The following COL24A1 variants were observed in gnomAD, a reference collection of about 807,000 sequenced individuals.
The protein encoded by COL24A1 is collagen alpha-1(XXIV) chain.
Under a neutral mutation model 253.9 loss-of-function variants are expected in COL24A1, and 224 were observed. The ratio of observed to expected loss-of-function variants is 0.88; its 90% CI spans 0.79 to 0.99. COL24A1 has a LOEUF of 0.99. Ranked by LOEUF, COL24A1 falls within the 50% of genes least tolerant of loss-of-function variation. The pLI is 0.00. For synonymous variants in COL24A1, 685 were observed against 673.7 expected (o/e 1.02, Z -0.26); for missense variants, 2,131 against 2,068.5 (o/e 1.03, Z -0.59).
chr1:85,911,119 A>T (rs1228330753), intron 25 of COL24A1, among the ~76,000 whole-genome samples: 2 of 151,990 alleles, frequency 1.3e-5, no homozygotes, highest in Non-Finnish European at 2.9e-5. Flanking sequence ...GATTTACATA[A>T]TATTTTCTAG....
Position 85,847,676 on chromosome 1 carries a change from T to C in COL24A1, c.3451A>G (p.Arg1151Gly), listed in dbSNP as rs780191756. The C allele has an allele frequency of 1.1e-5, 17 of 1,613,020 alleles. No homozygotes were observed. Among genetic ancestry groups the C allele is most frequent in the Non-Finnish European group, 1.4e-5 (16 of 1,179,292 alleles). Reference protein sequence around the residue: ...KSGPKGARGTRGAVGHLGLMG... With the variant: ...KSGPKGARGTGGAVGHLGLMG... ...AGTCAAATACTGACCACAGCACCTCTAGTTCCTCTGGCACCCTTAGGACCA... is the reference window on the plus strand; with the variant it reads ...AGTCAAATACTGACCACAGCACCTCCAGTTCCTCTGGCACCCTTAGGACCA... The change falls in exon 39 of 60, where the codon AGA becomes GGA. Residue 1151 changes from arginine to glycine, a missense_variant. Physicochemically the swap from Arg to Gly is moderately radical, Grantham distance 125 (BLOSUM62 -2). Transcript: ENST00000370571.
Position 86,115,356 on chromosome 1 carries a change from A to G in COL24A1, c.1514T>C (p.Ile505Thr). 6.2e-7 allele frequency: 1 copy of G among 1,613,942 alleles called. No individual in the cohort carries two copies. The highest frequency in any genetic ancestry group is 8.5e-7 in the Non-Finnish European group (1 of 1,179,886). ...GPPGPPGPAG[I>T]PGPSGKRGPR... ...ACCTCTCTTCCCTGACGGACCTGGGATACCTGCTGGACCAGGTGGACCCTT... is the reference window on the plus strand; with the variant it reads ...ACCTCTCTTCCCTGACGGACCTGGGGTACCTGCTGGACCAGGTGGACCCTT... Residue 505 changes from isoleucine to threonine, a missense_variant, in exon 4 of 60, where the codon ATC becomes ACC. By Grantham distance (89) the Ile-to-Thr change is moderately conservative (BLOSUM62 -1). Transcript: ENST00000370571.
intron 2 of COL24A1, among the ~76,000 whole-genome samples, chr1:86,127,425 T>C (rs1572014881): frequency 6.6e-6 from 1 of 152,198 alleles, no homozygotes; most frequent in East Asian, 1.9e-4. Flanking sequence ...GCACCTTCCT[T>C]GCAAATAGTT....
At chr1:85,900,814 T>C (rs1456478832) in intron 28 of COL24A1, among the ~76,000 whole-genome samples, 4 of 152,136 alleles carry the variant, frequency 2.6e-5, no homozygotes, top group Non-Finnish European at 4.4e-5. Context: ...CAATGGGGAA[T>C]GGATGGCCTC....
At position 86,124,984 on chromosome 1, in the gene COL24A1, C is replaced by T. The variant is rs1204014789; in HGVS notation, c.1352G>A (p.Gly451Asp). 6.2e-7 allele frequency: 1 copy of T among 1,613,198 alleles called. No homozygotes were observed. The highest frequency in any genetic ancestry group is 1.7e-5 in the Admixed American group (1 of 59,822). ...ATAAGTAGCATCAGGATAAAATTCACCTTCTTTCCTTAGATCAAGGTGATT... is the reference window on the plus strand; with the variant it reads ...ATAAGTAGCATCAGGATAAAATTCATCTTCTTTCCTTAGATCAAGGTGATT... ...VDNHLDLRKEGEFYPDATYPI... is the reference protein window; with the variant it reads ...VDNHLDLRKEDEFYPDATYPI... Residue 451 changes from glycine (G) to aspartate (D), a missense_variant, in exon 3 of 60, where the codon GGT becomes GAT. Gly to Asp is a moderately conservative substitution (Grantham distance 94). Transcript: ENST00000370571.
At position 85,813,532 on chromosome 1, in the gene COL24A1, C is replaced by CTTT. The variant is rs765607746; in HGVS notation, c.3951+3253_3951+3255dup. ...AATTACTAGAAAATCTCATTCAGGT[C>CTTT]TTTTTTTTTTTTTTTTTTTTTTTTT... On this transcript the variant is annotated intron_variant, in intron 47 of 59. Coordinates refer to ENST00000370571, the MANE Select transcript of COL24A1 (RefSeq NM_152890.7). Among the ~76,000 whole-genome samples, 8 of 76,242 alleles carry CTTT rather than the reference C, an allele frequency of 1.0e-4. 1 individual carries two copies. Among genetic ancestry groups the CTTT allele is most frequent in the African/African-American group, 4.0e-4 (6 of 15,032 alleles). 50.0% of individuals were successfully genotyped at this position (76,242 alleles called of 152,430 possible).
intron 7 of COL24A1, among the ~76,000 whole-genome samples, chr1:86,074,745 A>C (rs1702127413): frequency 6.6e-6 from 1 of 152,174 alleles, no homozygotes; most frequent in Non-Finnish European, 1.5e-5. Flanking sequence ...AACAGAAATC[A>C]TAACAAACAG....
At chr1:85,733,834 C>T (rs1663765841) in intron 59 of COL24A1, among the ~76,000 whole-genome samples, 1 of 151,644 alleles carries the variant, frequency 6.6e-6, no homozygotes, top group South Asian at 2.1e-4. Flanking sequence ...CCCGCCTCAG[C>T]CTCCCAAAGT....
intron 7 of COL24A1, among the ~76,000 whole-genome samples, chr1:86,085,015 T>C (rs986854730): frequency 2.0e-5 from 3 of 152,228 alleles, no homozygotes; most frequent in Non-Finnish European, 4.4e-5. Flanking sequence ...AGATGATCTA[T>C]AGAGCTGGCT....
chr1:85,973,131 T>A (rs1692335917), intron 20 of COL24A1, among the ~76,000 whole-genome samples: 1 of 152,218 alleles, frequency 6.6e-6, no homozygotes, highest in Non-Finnish European at 1.5e-5. Context: ...TGACTGGAGG[T>A]ACAGAATTAG....
intron 39 of COL24A1, 94 bp from the exon 40 acceptor site, chr1:85,842,487 A>G: frequency 1.1e-6 from 1 of 875,504 alleles, no homozygotes; most frequent in Non-Finnish European, 1.8e-6. Flanking sequence ...TGTTACCTTT[A>G]GATTTTTCAT....
At chr1:86,046,037 C>A in intron 12 of COL24A1, 1 of 218,040 alleles carries the variant, frequency 4.6e-6, no homozygotes, top group Non-Finnish European at 9.4e-6. Context: ...TTTTACTCAC[C>A]TATATTATGG....
chr1:86,022,159 A>G, intron 18 of COL24A1, 81 bp downstream of exon 18: 1 of 1,198,902 alleles, frequency 8.3e-7, no homozygotes. Flanking sequence ...CTTATACCCT[A>G]CTTAGATCAA....
intron 5 of COL24A1, among the ~76,000 whole-genome samples, chr1:86,096,808 C>G (rs948674311): frequency 5.3e-5 from 8 of 152,162 alleles, no homozygotes; most frequent in Admixed American, 4.6e-4. Context: ...ATTGTTTGGT[C>G]TTTTATTTAA....
At chr1:85,819,554 A>G (rs1437360794) in intron 45 of COL24A1, among the ~76,000 whole-genome samples, 2 of 152,160 alleles carry the variant, frequency 1.3e-5, no homozygotes, top group African/African-American at 4.8e-5. Context: ...CAGTTTCAAA[A>G]TCATGTTTTT....
intron 19 of COL24A1, among the ~76,000 whole-genome samples, chr1:86,001,572 A>G (rs950624498): frequency 3.1e-4 from 47 of 152,332 alleles, no homozygotes; most frequent in African/African-American, 1.1e-3. Flanking sequence ...CTGAAATGTA[A>G]ATATCCTTGA....
intron 22 of COL24A1, among the ~76,000 whole-genome samples, chr1:85,968,084 T>C (rs1691750561): frequency 6.6e-6 from 1 of 152,214 alleles, no homozygotes; most frequent in Non-Finnish European, 1.5e-5. Flanking sequence ...GATGTTTCTC[T>C]GCCTTAGATC....
chr1:85,739,735 T>C (rs1664405743), intron 57 of COL24A1, among the ~76,000 whole-genome samples: 1 of 152,194 alleles, frequency 6.6e-6, no homozygotes, highest in Non-Finnish European at 1.5e-5. Flanking sequence ...GCTTTCAACA[T>C]GTTGGTCTTC....
Position 85,734,879 on chromosome 1 carries a change from A to T in COL24A1, c.4868T>A (p.Leu1623Gln). The T allele has an allele frequency of 1.2e-6, 2 of 1,614,220 alleles. No homozygotes were observed. The highest frequency in any genetic ancestry group is 2.2e-5 in the South Asian group (2 of 91,088). ...EATHIITIHCLNTPRWTSTQT... is the reference protein window; with the variant it reads ...EATHIITIHCQNTPRWTSTQT... ...TGTGCTTGTCCACCTTGGGGTGTTT[A>T]GACAGTGAATGGTGATGATATGGGT... The change falls in exon 59 of 60, where the codon CTA becomes CAA. Residue 1623 changes from leucine to glutamine, a missense_variant. By Grantham distance (113) the Leu-to-Gln change is moderately radical. Transcript: ENST00000370571.
Sources: gnomAD v4.1 joint callset for allele counts (sites outside exome capture counted in the v4.1 genomes callset) on GRCh38, gnomAD v4.1.1 for gene constraint, MANE v1.5 for transcripts, NCBI Gene and HGNC (gene_info 2026-07-23, HGNC 2026-07-21) for gene names.